Variants in STARD8 observed in about 807,000 individuals in gnomAD.
STARD8 encodes the protein StAR related lipid transfer domain containing 8, also known as stAR-related lipid transfer protein 8.
Under a neutral mutation model 69.4 loss-of-function variants are expected in STARD8, and 25 were observed. The observed-to-expected ratio is 0.36, with a 90% CI of 0.26 to 0.50. The LOEUF is 0.50. STARD8 is among the 20% of genes least tolerant of loss of function. The pLI is 0.96. For missense variants in STARD8, 921 were observed against 932.5 expected, an observed-to-expected ratio of 0.99 and a Z score of 0.16; for synonymous variants, 389 against 374.6, an observed-to-expected ratio of 1.04 and a Z score of -0.45.
intron 2 of STARD8, among the ~76,000 whole-genome samples, chrX:68,690,075 CA>C (rs2147900755): frequency 9.1e-6 from 1 of 110,293 alleles, no homozygotes; most frequent in East Asian, 2.9e-4. Flanking sequence ...GGGACCTGAT[CA>C]ATAGCCCCCT....
intron 2 of STARD8, among the ~76,000 whole-genome samples, chrX:68,707,520 AAAAC>A (rs1390858010): frequency 9.0e-6 from 1 of 111,695 alleles, no homozygotes; most frequent in Non-Finnish European, 1.9e-5. Flanking sequence ...AGAGCTCTCA[AAAAC>A]AAACAAACAA....
intron 2 of STARD8, among the ~76,000 whole-genome samples, chrX:68,682,247 C>T (rs1009594999): frequency 1.8e-5 from 2 of 112,018 alleles, no homozygotes; most frequent in Non-Finnish European, 3.8e-5. Context: ...GATCCGCCCA[C>T]CTTGGCCTCC....
rs917991749 is a variant in STARD8, at chrX:68,647,747, CG to C, written c.-132del. On this transcript the variant is annotated 5_prime_UTR_variant, in exon 1 of 15. Transcript: ENST00000374599. ...CCGCTGCTCTCCGCCTCTCCCCTCG[CG>C]GGGCCGGCTCATGGAGCGCAGGGAC... The C allele has an allele frequency of 4.9e-6, 4 of 817,489 alleles. No homozygotes were observed. The highest frequency in any genetic ancestry group is 7.6e-5 in the Admixed American group (2 of 26,221). The allele number at this position is 817,489 out of a possible 1,213,427, so 67.4% of individuals were successfully genotyped here.
Position 68,658,867 on chromosome X carries a change from C to T in STARD8, c.46-6632C>T, listed in dbSNP as rs188056877. 1.5e-4 allele frequency among the ~76,000 whole-genome samples: 17 copies of T among 112,414 alleles called. No homozygotes were observed. The East Asian group carries it at 3.9e-3, about 26-fold the overall frequency. ...CAGGGCCCTTAGAGTCCAGGTCAAT[C>T]AGCAGTTCCAAGGCTGAGGCTGCCA... On this transcript the variant is annotated intron_variant, in intron 1 of 14. Transcript: ENST00000374599.
intron 2 of STARD8, among the ~76,000 whole-genome samples, chrX:68,668,474 G>A (rs1216337254): frequency 2.8e-5 from 3 of 108,880 alleles, no homozygotes; most frequent in Non-Finnish European, 5.7e-5. Flanking sequence ...CTACAGGGGT[G>A]CATCGCCACG....
chrX:68,696,017 G>A (rs2079916986), intron 2 of STARD8, among the ~76,000 whole-genome samples: 1 of 112,288 alleles, frequency 8.9e-6, no homozygotes, highest in Admixed American at 9.4e-5. Context: ...GGTTTATCAC[G>A]TGCAGGCTGT....
At position 68,718,578 on chromosome X, in the gene STARD8, C is replaced by A. The variant is rs201487811; in HGVS notation, c.1664C>A (p.Pro555His). 35 of 1,208,713 alleles carry A rather than the reference C, an allele frequency of 2.9e-5. No homozygotes were observed. Among genetic ancestry groups the A allele is most frequent in the Non-Finnish European group, 7.8e-6 (7 of 894,451 alleles). The change falls in exon 6 of 15, where the codon CCC (proline) becomes CAC (histidine). Residue 555 changes from proline to histidine, a missense_variant. Transcript: ENST00000374599. ...CTGGCTGGACTCCAGGCATCAATGC[C>A]CCGTGAACGGCGCGATTCAGGTGTT... ...GPLAGLQASM[P>H]RERRDSGVGA...
Position 68,724,635 on chromosome X carries a change from C to A in STARD8, c.*213C>A. The A allele has an allele frequency of 7.8e-6, 3 of 382,897 alleles. No homozygotes were observed. Among genetic ancestry groups the A allele is most frequent in the Non-Finnish European group, 1.4e-5 (3 of 221,177 alleles). The allele number at this position is 382,897 out of a possible 1,213,427, so 31.6% of individuals were successfully genotyped here. ...TTAGGCAACTCCACTCCCCCTTCAC[C>A]CCCAACCCTGTATTCTACTCTCCCG... On this transcript the variant is annotated 3_prime_UTR_variant, in exon 15 of 15. Coordinates refer to ENST00000374599, the MANE Select transcript of STARD8 (RefSeq NM_001142503.3).
intron 3 of STARD8, among the ~76,000 whole-genome samples, chrX:68,714,821 C>A (rs1410986224): frequency 1.8e-5 from 2 of 111,939 alleles, no homozygotes; most frequent in Non-Finnish European, 3.8e-5. Flanking sequence ...TCTTTCCCCT[C>A]TCCCCTCCCT....
Position 68,717,447 on chromosome X carries a change from C to T in STARD8, c.533C>T (p.Ala178Val), listed in dbSNP as rs200243164. Residue 178 changes from alanine (A) to valine (V), a missense_variant, in exon 6 of 15, where the codon GCC becomes GTC. Coordinates refer to ENST00000374599, the MANE Select transcript of STARD8 (RefSeq NM_001142503.3). ...EPADLPLPGR[A>V]PSSSDRPLLS... is the part of the protein sequence containing the mutation. ...GCAGACTTGCCCTTGCCAGGCCGTG[C>T]CCCCAGCTCGAGTGACCGGCCCCTC... The T allele has an allele frequency of 5.0e-6, 6 of 1,209,975 alleles. No homozygotes were observed. Among genetic ancestry groups the T allele is most frequent in the South Asian group, 1.8e-5 (1 of 56,817 alleles).
At chrX:68,719,837 T>C (rs771683831) in intron 7 of STARD8, among the ~76,000 whole-genome samples, 21 of 111,995 alleles carry the variant, frequency 1.9e-4, no homozygotes, top group Admixed American at 1.4e-3. Flanking sequence ...ATCTTTTTCC[T>C]GCCTCTTTGC....
intron 8 of STARD8, 132 bp downstream of exon 8, chrX:68,720,555 A>T (rs1412499949): frequency 1.2e-6 from 1 of 811,042 alleles, no homozygotes; most frequent in East Asian, 3.6e-5. Context: ...GGTCCACCAG[A>T]GGCCTTTGCT....
intron 2 of STARD8, among the ~76,000 whole-genome samples, chrX:68,702,224 T>G (rs1212459033): frequency 8.9e-6 from 1 of 111,948 alleles, no homozygotes; most frequent in African/African-American, 3.3e-5. Context: ...TGGCACCAAG[T>G]AGGTGCTTGG....
chrX:68,688,752 C>A (rs1204853677), intron 2 of STARD8, among the ~76,000 whole-genome samples: 1 of 109,063 alleles, frequency 9.2e-6, no homozygotes, highest in African/African-American at 3.3e-5. Context: ...CCTTCCCTGC[C>A]TTTCCCCCAG....
chrX:68,722,028 C>A lies in STARD8; in HGVS notation c.2460-19C>A. The stretch of plus-strand genomic sequence containing the variant: ...GCTCTTGTGCCATCTCTCCTCTCAC[C>A]ACCTCCTGCTCCATCTAGGATCAAG... On this transcript the variant is annotated intron_variant, in intron 10 of 14. Coordinates refer to ENST00000374599, the MANE Select transcript of STARD8 (RefSeq NM_001142503.3). 1 of 1,168,302 alleles carries A rather than the reference C, an allele frequency of 8.6e-7. No homozygotes were observed. The highest frequency in any genetic ancestry group is 1.2e-6 in the Non-Finnish European group (1 of 862,352).
intron 3 of STARD8, 102 bp downstream of exon 3, chrX:68,713,087 C>G: frequency 1.2e-6 from 1 of 868,862 alleles, no homozygotes; most frequent in Non-Finnish European, 1.6e-6. Context: ...TACACACAAG[C>G]AGTGTCTCCT....
chrX:68,662,632 C>T (rs1424064850), intron 1 of STARD8, among the ~76,000 whole-genome samples: 1 of 111,395 alleles, frequency 9.0e-6, no homozygotes, highest in East Asian at 2.8e-4. Context: ...TTTGATACAT[C>T]CTCATCCTTT....
In STARD8 at chrX:68,689,607, C is replaced by T. The variant is rs763878050; in HGVS notation, c.80-23307C>T. The stretch of plus-strand genomic sequence containing the variant: ...GCCGCCCCACACCTGTATGTCTGAG[C>T]TTAGGGAGGGCAAGGGCAGAGAGGT... On this transcript the variant is annotated intron_variant, in intron 2 of 14. Coordinates refer to ENST00000374599, the MANE Select transcript of STARD8 (RefSeq NM_001142503.3). Among the ~76,000 whole-genome samples, 9 of 112,557 alleles carry T rather than the reference C, an allele frequency of 8.0e-5. No individual in the cohort carries two copies. In the East Asian group the frequency reaches 2.5e-3, roughly 32 times the overall value.
At chrX:68,710,453 G>C (rs2080041232) in intron 2 of STARD8, among the ~76,000 whole-genome samples, 1 of 112,329 alleles carries the variant, frequency 8.9e-6, no homozygotes, top group Admixed American at 9.4e-5. Flanking sequence ...TGGGGCTTGG[G>C]ATTCTGCATT....
Sources: gnomAD v4.1 joint callset for allele counts (sites outside exome capture counted in the v4.1 genomes callset) on GRCh38, gnomAD v4.1.1 for gene constraint, MANE v1.5 for transcripts, NCBI Gene and HGNC (gene_info 2026-07-23, HGNC 2026-07-21) for gene names.